The following SYNPR variants were observed in gnomAD, a reference collection of about 807,000 sequenced individuals.
SYNPR encodes synaptoporin.
In SYNPR, 23 loss-of-function variants were observed where a neutral mutation model predicts 32.9. That is an observed-to-expected ratio of 0.70 (90% CI 0.50 to 0.99). The LOEUF (loss-of-function observed/expected upper bound fraction) is 0.99. SYNPR is among the 50% of genes least tolerant of loss of function. The pLI is 0.00. For missense variants in SYNPR, 318 were observed against 349.3 expected (o/e 0.91, Z 0.71); for synonymous variants, 146 against 135.9 (o/e 1.07, Z -0.52).
chr3:63,382,652 T>A (rs777979138), intron 2 of SYNPR, among the ~76,000 whole-genome samples: 72 of 152,202 alleles, frequency 4.7e-4, no homozygotes, highest in Non-Finnish European at 6.9e-4. Context: ...CACCACTGTG[T>A]CTATTCATCG....
At chr3:63,310,460 G>A (rs2086953099) in intron 2 of SYNPR, among the ~76,000 whole-genome samples, 1 of 151,840 alleles carries the variant, frequency 6.6e-6, no homozygotes, top group South Asian at 2.1e-4. Context: ...TTTAAAAATT[G>A]GAAATCTCAT....
chr3:63,535,746 G>C (rs185951580), intron 3 of SYNPR, among the ~76,000 whole-genome samples: 25 of 149,210 alleles, frequency 1.7e-4, no homozygotes, highest in Non-Finnish European at 3.4e-4. Flanking sequence ...AAAAAAAAAT[G>C]AAGTTGGCGC....
intron 2 of SYNPR, among the ~76,000 whole-genome samples, chr3:63,428,333 T>G (rs942625760): frequency 5.3e-5 from 8 of 152,246 alleles, no homozygotes; most frequent in African/African-American, 1.9e-4. Context: ...GTGCTGTTTA[T>G]ATCACATTAT....
the SYNPR span, among the ~76,000 whole-genome samples, chr3:63,218,579 A>G: frequency 6.6e-6 from 1 of 152,212 alleles, no homozygotes; most frequent in Non-Finnish European, 1.5e-5. Flanking sequence ...CTCAGGCTAT[A>G]AAGTGAAATA....
chr3:63,257,349 A>G (rs2086393865), intron 2 of SYNPR, among the ~76,000 whole-genome samples: 1 of 152,252 alleles, frequency 6.6e-6, no homozygotes, highest in Non-Finnish European at 1.5e-5. Context: ...AGGGAAGCCT[A>G]CCAGACTAAC....
chr3:63,221,747 C>G, the SYNPR span, among the ~76,000 whole-genome samples: 13 of 152,238 alleles, frequency 8.5e-5, no homozygotes, highest in African/African-American at 2.9e-4. Flanking sequence ...AGGTTTGAAT[C>G]CTGGTATTAA....
intron 2 of SYNPR, among the ~76,000 whole-genome samples, chr3:63,374,584 AAT>A (rs1323088114): frequency 2.6e-5 from 4 of 152,164 alleles, no homozygotes; most frequent in Non-Finnish European, 5.9e-5. Flanking sequence ...CTGAACCTAA[AAT>A]AAAAGTTAAA....
chr3:63,431,526 G>GA (rs1699993596), intron 2 of SYNPR, among the ~76,000 whole-genome samples: 1 of 152,046 alleles, frequency 6.6e-6, no homozygotes, highest in Non-Finnish European at 1.5e-5. Context: ...TTATACATGA[G>GA]AAAAAACTAA....
chr3:63,274,992 T>G (rs1418660391), upstream of SYNPR, among the ~76,000 whole-genome samples: 1 of 152,170 alleles, frequency 6.6e-6, no homozygotes, highest in Non-Finnish European at 1.5e-5. Flanking sequence ...TAGCTATGGG[T>G]CCCTGGCTCA....
intron 2 of SYNPR, among the ~76,000 whole-genome samples, chr3:63,453,405 T>C (rs534763827): frequency 4.7e-4 from 71 of 152,234 alleles, no homozygotes; most frequent in African/African-American, 1.7e-3. Flanking sequence ...ATGAAAATCA[T>C]CTGGGGAGTT....
chr3:63,211,564 C>T, the SYNPR span, among the ~76,000 whole-genome samples: 27 of 152,086 alleles, frequency 1.8e-4, no homozygotes, highest in Admixed American at 8.5e-4. Flanking sequence ...CCATCTGCCT[C>T]GGTAGATGAC....
At chr3:63,434,914 A>C (rs1700054148) in intron 2 of SYNPR, among the ~76,000 whole-genome samples, 1 of 152,236 alleles carries the variant, frequency 6.6e-6, no homozygotes, top group African/African-American at 2.4e-5. Flanking sequence ...TACTATGAAC[A>C]ATGTAATATT....
At position 63,344,557 on chromosome 3, in the gene SYNPR, T is replaced by C. The variant is rs973205160; in HGVS notation, c.84+65815T>C. On this transcript the variant is annotated intron_variant, in intron 2 of 5. Coordinates refer to ENST00000478300, the MANE Select transcript of SYNPR (RefSeq NM_001130003.2). Reference sequence around the variant, plus strand: ...GGTGCATATTCAAAAAAGATTTTTTTTTTTTTTTTTTTTTACAGATTAATA... The same window carrying C: ...GGTGCATATTCAAAAAAGATTTTTTCTTTTTTTTTTTTTTACAGATTAATA... Among the ~76,000 whole-genome samples, 7 of 150,046 alleles carry C rather than the reference T, an allele frequency of 4.7e-5. No individual in the cohort carries two copies. In the East Asian group the frequency reaches 1.4e-3, roughly 29 times the overall value.
At chr3:63,357,494 C>A (rs2087599501) in intron 2 of SYNPR, among the ~76,000 whole-genome samples, 1 of 152,054 alleles carries the variant, frequency 6.6e-6, no homozygotes, top group South Asian at 2.1e-4. Context: ...TCCATCAGGT[C>A]TTTTGGACAA....
At chr3:63,575,241 T>G (rs1254391377) in intron 4 of SYNPR, among the ~76,000 whole-genome samples, 1 of 152,150 alleles carries the variant, frequency 6.6e-6, no homozygotes, top group Non-Finnish European at 1.5e-5. Context: ...TAGAAGCTTA[T>G]TAAATGACTT....
intron 3 of SYNPR, among the ~76,000 whole-genome samples, chr3:63,547,846 T>A (rs1702436080): frequency 6.6e-6 from 1 of 152,158 alleles, no homozygotes; most frequent in African/African-American, 2.4e-5. Context: ...TAACATGCAA[T>A]AACTTAATAG....
chr3:63,384,885 A>G (rs1353547496), intron 2 of SYNPR, among the ~76,000 whole-genome samples: 1 of 152,194 alleles, frequency 6.6e-6, no homozygotes, highest in Non-Finnish European at 1.5e-5. Flanking sequence ...GGCTGGATTC[A>G]ATTTTAGATT....
chr3:63,455,756 G>GGGGTGTGTGTGTGT (rs1553637948), intron 2 of SYNPR, among the ~76,000 whole-genome samples: 17 of 144,378 alleles, frequency 1.2e-4, no homozygotes, highest in African/African-American at 2.1e-4. Context: ...TCATGTTTGG[G>GGGGTGTGTGTGTGT]GTGTGTGTGT....
intron 3 of SYNPR, among the ~76,000 whole-genome samples, chr3:63,510,936 C>T (rs73831874): frequency 3.5e-4 from 52 of 150,600 alleles, no homozygotes; most frequent in South Asian, 2.1e-3. Context: ...TGTGTGTGTG[C>T]GCGCACGTTG....
Sources: gnomAD v4.1 joint callset for allele counts (sites outside exome capture counted in the v4.1 genomes callset) on GRCh38, gnomAD v4.1.1 for gene constraint, MANE v1.5 for transcripts, NCBI Gene and HGNC (gene_info 2026-07-23, HGNC 2026-07-21) for gene names.